The following MYO5A variants were observed in gnomAD, a reference collection of about 807,000 sequenced individuals.
MYO5A encodes unconventional myosin-Va.
Under a neutral mutation model 249.7 loss-of-function variants are expected in MYO5A, and 98 were observed. The observed-to-expected ratio is 0.39, with a 90% confidence interval of 0.33 to 0.46. The LOEUF is 0.46. Among genes scored for constraint, MYO5A ranks in the 20% least tolerant of loss-of-function variants. MYO5A has a pLI of 0.98. For missense variants in MYO5A, 1,696 were observed against 2,308.8 expected, an observed-to-expected ratio of 0.73 and a Z score of 5.44; for synonymous variants, 778 against 810.6, an observed-to-expected ratio of 0.96 and a Z score of 0.68.
At chr15:52,495,535 A>G (rs917753441) in intron 1 of MYO5A, among the ~76,000 whole-genome samples, 3 of 152,234 alleles carry the variant, frequency 2.0e-5, no homozygotes, top group African/African-American at 7.2e-5. Flanking sequence ...TATTGTTGAC[A>G]GTAGATTTTG....
chr15:52,389,933 G>A (rs1208674615), intron 12 of MYO5A, among the ~76,000 whole-genome samples: 1 of 152,106 alleles, frequency 6.6e-6, no homozygotes, highest in East Asian at 1.9e-4. Context: ...CAACCTGGGT[G>A]ACAAAAGTGA....
At chr15:52,521,214 C>G (rs184086861) in intron 1 of MYO5A, among the ~76,000 whole-genome samples, 2 of 118,638 alleles carry the variant, frequency 1.7e-5, no homozygotes, top group African/African-American at 3.2e-5. Flanking sequence ...GGTGACAGAG[C>G]GAGACTCTGT....
intron 1 of MYO5A, among the ~76,000 whole-genome samples, chr15:52,468,107 T>C (rs1171133922): frequency 1.3e-5 from 2 of 152,142 alleles, no homozygotes; most frequent in East Asian, 1.9e-4. Flanking sequence ...CCCAGCACTT[T>C]GAGAAGCTGA....
intron 25 of MYO5A, among the ~76,000 whole-genome samples, chr15:52,357,452 C>CA (rs35645503): frequency 0.32 from 29,488 of 93,390 alleles, 3,971 homozygotes; most frequent in East Asian, 0.64. Flanking sequence ...CTAGAACTAG[C>CA]AAAAAAAAAA....
chr15:52,466,438 G>A (rs1371685133), intron 1 of MYO5A, among the ~76,000 whole-genome samples: 1 of 152,172 alleles, frequency 6.6e-6, no homozygotes, highest in Non-Finnish European at 1.5e-5. Context: ...GACTCCTATA[G>A]CCCAAGACTG....
chr15:52,319,821 A>G (rs935686139), intron 38 of MYO5A, among the ~76,000 whole-genome samples: 52 of 152,250 alleles, frequency 3.4e-4, no homozygotes, highest in Non-Finnish European at 6.2e-4. Context: ...TACTGAAGGA[A>G]TAATTCTTAA....
chr15:52,478,369 C>T (rs186029900), intron 1 of MYO5A, among the ~76,000 whole-genome samples: 56 of 152,260 alleles, frequency 3.7e-4, no homozygotes, highest in African/African-American at 1.3e-3. Flanking sequence ...CTGGGTGAGG[C>T]GATGCCTCAC....
At chr15:52,513,109 A>C (rs2077426171) in intron 1 of MYO5A, among the ~76,000 whole-genome samples, 1 of 150,396 alleles carries the variant, frequency 6.6e-6, no homozygotes. Flanking sequence ...AGGTTTAGAA[A>C]AAGATCGTAA....
At chr15:52,431,907 T>C (rs1006466930) in intron 2 of MYO5A, among the ~76,000 whole-genome samples, 5 of 151,680 alleles carry the variant, frequency 3.3e-5, no homozygotes, top group Non-Finnish European at 7.4e-5. Context: ...CTGGGAGGCA[T>C]GATCAAGCCA....
chr15:52,324,261 T>C (rs2038486153), intron 36 of MYO5A, among the ~76,000 whole-genome samples: 1 of 152,092 alleles, frequency 6.6e-6, no homozygotes, highest in South Asian at 2.1e-4. Flanking sequence ...AGCTGGGCAG[T>C]ACAGTCAGGG....
In MYO5A at chr15:52,307,938, A is replaced by G. The variant is rs983704058; in HGVS notation, c.*5758T>C. On this transcript the variant is annotated 3_prime_UTR_variant, in exon 42 of 42. Coordinates refer to ENST00000399233, the MANE Select transcript of MYO5A (RefSeq NM_001382347.1). ...CATATATATCCACATTTAAAGAAAA[A>G]ATTCACCATTTGTTGGGAAAAAATA... 1 of 152,184 alleles carries G rather than the reference A, an allele frequency of 6.6e-6. No individual in the cohort carries two copies. The highest frequency in any genetic ancestry group is 1.5e-5 in the Non-Finnish European group (1 of 68,012). 9.4% of individuals were successfully genotyped at this position (152,184 alleles called of 1,614,324 possible).
intron 16 of MYO5A, 72 bp from the exon 17 acceptor site, chr15:52,379,980 A>T: frequency 6.7e-7 from 1 of 1,499,188 alleles, no homozygotes; most frequent in East Asian, 2.3e-5. Flanking sequence ...CTCCTCAGTC[A>T]GGGTGTAAAT....
intron 35 of MYO5A, among the ~76,000 whole-genome samples, chr15:52,329,398 G>C (rs530704911): frequency 2.0e-5 from 3 of 152,252 alleles, no homozygotes; most frequent in Admixed American, 6.5e-5. Context: ...GAAAGGAGAG[G>C]TTTTTAGGAT....
In MYO5A at chr15:52,396,328, T is replaced by C; in HGVS notation, c.1389A>G (p.Gln463=). Residue 463 remains glutamine (Q), a synonymous_variant, in exon 11 of 42, where the codon CAA becomes CAG. Transcript: ENST00000399233. The part of the protein sequence containing the change: ...CINYANEKLQ[Q]QFNMHVFKLE... ...AGAACATTCTTACCATATTGAATTG[T>C]TGCTGTAGTTTTTCATTTGCATAAT... 1 of 1,534,084 alleles carries C rather than the reference T, an allele frequency of 6.5e-7. No homozygotes were observed. The highest frequency in any genetic ancestry group is 9.0e-7 in the Non-Finnish European group (1 of 1,110,598).
At chr15:52,438,133 G>T in intron 1 of MYO5A, 1 of 792,838 alleles carries the variant, frequency 1.3e-6, no homozygotes, top group Non-Finnish European at 1.5e-6. Flanking sequence ...TACCTTAGAT[G>T]CTGAAACAGG....
chr15:52,459,146 A>ATTTTTTTTTTTTTTTTTTT (rs199923318), intron 1 of MYO5A, among the ~76,000 whole-genome samples: 1 of 49,058 alleles, frequency 2.0e-5, no homozygotes, highest in African/African-American at 5.7e-5. Flanking sequence ...ATTTTCCAGA[A>ATTTTTTTTTTTTTTTTTTT]ATTTTTTTTT....
At chr15:52,509,793 G>A (rs181190904) in intron 1 of MYO5A, among the ~76,000 whole-genome samples, 57 of 152,140 alleles carry the variant, frequency 3.7e-4, no homozygotes, top group African/African-American at 1.2e-3. Flanking sequence ...AATGATTCAC[G>A]TTGAAATCAG....
At chr15:52,490,596 A>G (rs1014284512) in intron 1 of MYO5A, among the ~76,000 whole-genome samples, 1 of 152,214 alleles carries the variant, frequency 6.6e-6, no homozygotes, top group Non-Finnish European at 1.5e-5. Flanking sequence ...AGGGAGAGAA[A>G]GTAGAATAAT....
At chr15:52,317,629 C>T (rs919802434) in intron 39 of MYO5A, among the ~76,000 whole-genome samples, 2 of 152,168 alleles carry the variant, frequency 1.3e-5, no homozygotes, top group Admixed American at 6.5e-5. Flanking sequence ...CCTTGAAGCA[C>T]TCTCTCTTAA....
Sources: gnomAD v4.1 joint callset for allele counts (sites outside exome capture counted in the v4.1 genomes callset) on GRCh38, gnomAD v4.1.1 for gene constraint, MANE v1.5 for transcripts, NCBI Gene and HGNC (gene_info 2026-07-23, HGNC 2026-07-21) for gene names.